CNGA1: variants seen among roughly 807,000 people sequenced by gnomAD.
CNGA1 encodes cyclic nucleotide-gated channel alpha-1.
CNGA1 carries 53 observed loss-of-function variants against 69.7 expected under a neutral mutation model. The observed-to-expected ratio is 0.76, with a 90% CI of 0.61 to 0.96. The LOEUF (loss-of-function observed/expected upper bound fraction) is 0.96. Ranked by LOEUF, CNGA1 falls within the 40% of genes least tolerant of loss-of-function variation. CNGA1 has a pLI of 0.00. For missense variants in CNGA1, 739 were observed against 811.2 expected (o/e 0.91, Z 1.08); for synonymous variants, 249 against 283.5 (o/e 0.88, Z 1.22).
At chr4:48,000,257 C>A (rs923016056) in intron 2 of CNGA1, among the ~76,000 whole-genome samples, 2 of 152,058 alleles carry the variant, frequency 1.3e-5, no homozygotes, top group African/African-American at 4.8e-5. Context: ...CAATAATTTT[C>A]CAAATTTGAT....
intron 3 of CNGA1, among the ~76,000 whole-genome samples, chr4:47,976,177 ACATATATATATACATATATATG>A (rs1412095041): frequency 3.8e-5 from 2 of 53,072 alleles, no homozygotes; most frequent in African/African-American, 1.8e-4. Flanking sequence ...ATATACACAT[ACATATATATATACATATATATG>A]TATATATATA....
chr4:48,007,405 G>A (rs186823881), intron 2 of CNGA1, among the ~76,000 whole-genome samples: 184 of 152,124 alleles, frequency 1.2e-3, no homozygotes, highest in Non-Finnish European at 1.7e-3. Flanking sequence ...CATGCCCACC[G>A]CTTCCACAAT....
chr4:48,004,468 TC>T (rs900903556), intron 2 of CNGA1, among the ~76,000 whole-genome samples: 1 of 152,190 alleles, frequency 6.6e-6, no homozygotes, highest in African/African-American at 2.4e-5. Flanking sequence ...CCTACACTTT[TC>T]TTTTAAAAAA....
chr4:47,957,744 C>T (rs1222635752), intron 3 of CNGA1, among the ~76,000 whole-genome samples: 3 of 152,152 alleles, frequency 2.0e-5, no homozygotes, highest in Admixed American at 2.0e-4. Flanking sequence ...CATCTTTATG[C>T]TATTTAAAAG....
chr4:47,958,875 G>A (rs1454497174), intron 3 of CNGA1: 1 of 152,122 alleles, frequency 6.6e-6, no homozygotes, highest in Non-Finnish European at 1.5e-5. Context: ...TTTTAACTGA[G>A]TACCTTAAAC....
intron 2 of CNGA1, among the ~76,000 whole-genome samples, chr4:47,998,288 C>A (rs1427898008): frequency 6.6e-6 from 1 of 152,200 alleles, no homozygotes; most frequent in African/African-American, 2.4e-5. Flanking sequence ...AACCAGAAAT[C>A]TGCAGAGAGG....
At chr4:47,984,691 C>CAT (rs760240582) in intron 2 of CNGA1, among the ~76,000 whole-genome samples, 15,100 of 138,784 alleles carry the variant, frequency 0.11, 970 homozygotes, top group Middle Eastern at 0.15. Context: ...CACACACACA[C>CAT]ACATATATAT....
chr4:47,955,047 A>G (rs758524844), intron 3 of CNGA1, among the ~76,000 whole-genome samples: 1 of 151,762 alleles, frequency 6.6e-6, no homozygotes, highest in Non-Finnish European at 1.5e-5. Flanking sequence ...GTTGTTAAAT[A>G]TTTTAGTATC....
intron 2 of CNGA1, among the ~76,000 whole-genome samples, chr4:47,995,703 G>A (rs7690103): frequency 0.11 from 17,221 of 151,882 alleles, 1,571 homozygotes; most frequent in East Asian, 0.32. Flanking sequence ...TGATTTTTGG[G>A]GGGTGTTAAA....
intron 3 of CNGA1, among the ~76,000 whole-genome samples, chr4:47,956,816 T>C (rs1740117865): frequency 6.6e-6 from 1 of 152,204 alleles, no homozygotes; most frequent in Non-Finnish European, 1.5e-5. Flanking sequence ...TTTGTTGCTA[T>C]TGTTGTTGTT....
At chr4:47,943,527 A>T in intron 6 of CNGA1, 115 bp from the exon 7 acceptor site, 1 of 648,484 alleles carries the variant, frequency 1.5e-6, no homozygotes, top group African/African-American at 1.9e-5. Flanking sequence ...TCCAGTGCTC[A>T]AAACCCATCT....
At chr4:47,987,444 G>A (rs1742023492) in intron 2 of CNGA1, among the ~76,000 whole-genome samples, 1 of 152,116 alleles carries the variant, frequency 6.6e-6, no homozygotes. Flanking sequence ...TGTAGGAACT[G>A]TAAATGTCAT....
At chr4:48,002,502 T>C (rs1714703217) in intron 2 of CNGA1, among the ~76,000 whole-genome samples, 1 of 149,154 alleles carries the variant, frequency 6.7e-6, no homozygotes, top group Non-Finnish European at 1.5e-5. Context: ...AGGTCAGGGG[T>C]TTTTCAAAGG....
intron 2 of CNGA1, among the ~76,000 whole-genome samples, chr4:47,991,308 A>C (rs993938295): frequency 6.6e-6 from 1 of 152,138 alleles, no homozygotes. Flanking sequence ...CACCGCATCC[A>C]TGCAAACATC....
chr4:47,962,127 C>T (rs748273933), intron 3 of CNGA1, among the ~76,000 whole-genome samples: 3 of 152,002 alleles, frequency 2.0e-5, no homozygotes, highest in Non-Finnish European at 2.9e-5. Flanking sequence ...GGGTGGATCA[C>T]GAGGTCAGGA....
intron 3 of CNGA1, among the ~76,000 whole-genome samples, chr4:47,971,935 A>C (rs953394210): frequency 1.2e-4 from 18 of 145,776 alleles, no homozygotes; most frequent in African/African-American, 4.5e-4. Flanking sequence ...ACAACAACAA[A>C]AACCACTGTA....
intron 3 of CNGA1, among the ~76,000 whole-genome samples, chr4:47,979,758 T>C (rs1741602304): frequency 6.6e-6 from 1 of 152,212 alleles, no homozygotes. Flanking sequence ...ACATTTGTTT[T>C]TCTACAAAAT....
chr4:47,984,053 G>C (rs1741865081), intron 2 of CNGA1, among the ~76,000 whole-genome samples: 1 of 152,112 alleles, frequency 6.6e-6, no homozygotes, highest in African/African-American at 2.4e-5. Flanking sequence ...TGTTTTATCT[G>C]ATACCTCTAT....
intron 2 of CNGA1, among the ~76,000 whole-genome samples, chr4:47,998,221 A>C (rs1385814899): frequency 6.6e-6 from 1 of 152,152 alleles, no homozygotes; most frequent in Non-Finnish European, 1.5e-5. Flanking sequence ...TTGGAGATTG[A>C]AGTAGCCAGA....
Sources: allele counts gnomAD v4.1 joint callset (sites outside exome capture counted in the v4.1 genomes callset), GRCh38; gene constraint gnomAD v4.1.1; transcripts MANE v1.5; gene names NCBI Gene and HGNC (gene_info 2026-07-23, HGNC 2026-07-21).